Variants in TMEM178A observed in about 807,000 individuals in gnomAD.
TMEM178A encodes transmembrane protein 178.
A neutral mutation model predicts 29.1 loss-of-function variants in TMEM178A; 12 were observed. The ratio of observed to expected loss-of-function variants is 0.41; its 90% CI spans 0.26 to 0.67. TMEM178A has a LOEUF of 0.67. TMEM178A is among the 30% of genes least tolerant of loss of function. The pLI is 0.29. For synonymous variants in TMEM178A, 210 were observed against 187.2 expected (o/e 1.12, Z -0.99); for missense variants, 366 against 419.1 (o/e 0.87, Z 1.11).
chr2:39,668,940 G>A (rs868064021), intron 1 of TMEM178A, among the ~76,000 whole-genome samples: 1 of 152,140 alleles, frequency 6.6e-6, no homozygotes, highest in Non-Finnish European at 1.5e-5. Context: ...CTTTGTTTTG[G>A]CATCTGACAT....
intron 1 of TMEM178A, among the ~76,000 whole-genome samples, chr2:39,668,233 C>T (rs1308620453): frequency 6.6e-6 from 1 of 152,210 alleles, no homozygotes. Flanking sequence ...ACTGGTTGTT[C>T]AAATTCCCTT....
intron 1 of TMEM178A, among the ~76,000 whole-genome samples, chr2:39,701,253 C>T (rs72934288): frequency 0.023 from 3,533 of 152,126 alleles, 125 homozygotes; most frequent in African/African-American, 0.08. Context: ...TAGATTCTCT[C>T]AGTTTTTGTT....
chr2:39,687,935 G>T (rs186135616), intron 1 of TMEM178A, among the ~76,000 whole-genome samples: 3 of 152,192 alleles, frequency 2.0e-5, no homozygotes, highest in African/African-American at 7.2e-5. Context: ...TCACTTGTTA[G>T]CTGTGGGACT....
At chr2:39,698,698 AT>A (rs397955246) in intron 1 of TMEM178A, among the ~76,000 whole-genome samples, 6,536 of 146,124 alleles carry the variant, frequency 0.045, 433 homozygotes, top group African/African-American at 0.15. Context: ...TTCATGCTCT[AT>A]TTTTTTTTTT....
chr2:39,717,350 T>C lies in TMEM178A; in HGVS notation c.*99T>C, dbSNP rs1002534307. 36 of 1,476,422 alleles carry C rather than the reference T, an allele frequency of 2.4e-5. No homozygotes were observed. Among genetic ancestry groups the C allele is most frequent in the Non-Finnish European group, 2.9e-5 (32 of 1,107,260 alleles). 91.5% of individuals were successfully genotyped at this position (1,476,422 alleles called of 1,614,324 possible). A position where few individuals can be genotyped will look rare whatever the true frequency, so the allele number is the denominator to read the frequency against. On this transcript the variant is annotated 3_prime_UTR_variant, in exon 4 of 4. Transcript: ENST00000281961. ...CAAAGCGGTCTTTTACATTCCAACC[T>C]GTTGCCTGCCAGCCCTTTCTGGATT...
At chr2:39,667,025 T>C (rs978157189) in intron 1 of TMEM178A, among the ~76,000 whole-genome samples, 6 of 152,292 alleles carry the variant, frequency 3.9e-5, no homozygotes, top group African/African-American at 1.4e-4. Context: ...AGACCAATCG[T>C]TGGCTGGTGG....
chr2:39,685,524 A>G (rs530222755), intron 1 of TMEM178A, among the ~76,000 whole-genome samples: 2 of 152,116 alleles, frequency 1.3e-5, no homozygotes, highest in Admixed American at 1.3e-4. Flanking sequence ...GTTTTCATTC[A>G]TTTTATAGGT....
At chr2:39,721,307 C>A (rs1208596789), downstream of TMEM178A, among the ~76,000 whole-genome samples, 1 of 152,214 alleles carries the variant, frequency 6.6e-6, no homozygotes, top group Non-Finnish European at 1.5e-5. Context: ...GGCATCAAAG[C>A]AAGATTTCTA....
chr2:39,679,592 TC>T (rs572279844), intron 1 of TMEM178A, among the ~76,000 whole-genome samples: 76 of 152,254 alleles, frequency 5.0e-4, no homozygotes, highest in Non-Finnish European at 6.2e-4. Context: ...TTTACTTATC[TC>T]CATAGGAAGT....
chr2:39,700,631 G>C (rs1671740946), intron 1 of TMEM178A, among the ~76,000 whole-genome samples: 1 of 151,764 alleles, frequency 6.6e-6, no homozygotes, highest in Non-Finnish European at 1.5e-5. Context: ...GCCAATCTCT[G>C]CCTTTTTATT....
chr2:39,721,277 A>T (rs576566598), downstream of TMEM178A, among the ~76,000 whole-genome samples: 146 of 152,348 alleles, frequency 9.6e-4, no homozygotes, highest in Non-Finnish European at 1.6e-3. Context: ...TCCTCTTAAT[A>T]TGCAACCTGT....
intron 1 of TMEM178A, among the ~76,000 whole-genome samples, chr2:39,688,292 G>T (rs1324200334): frequency 6.6e-6 from 1 of 152,238 alleles, no homozygotes; most frequent in Non-Finnish European, 1.5e-5. Context: ...AGCAATTCTG[G>T]TGGTCTCAAA....
At chr2:39,707,337 C>G (rs1188479378) in intron 3 of TMEM178A, 151 bp downstream of exon 3, 2 of 1,021,062 alleles carry the variant, frequency 2.0e-6, no homozygotes, top group African/African-American at 3.3e-5. Flanking sequence ...CTGGAAAATA[C>G]AGAATTTAAG....
chr2:39,711,939 C>G (rs1156272027), intron 3 of TMEM178A, among the ~76,000 whole-genome samples: 1 of 151,922 alleles, frequency 6.6e-6, no homozygotes, highest in Non-Finnish European at 1.5e-5. Flanking sequence ...TCAATAAGTA[C>G]TAGAATAGCC....
At chr2:39,691,119 G>A (rs1258097162) in intron 1 of TMEM178A, among the ~76,000 whole-genome samples, 1 of 152,178 alleles carries the variant, frequency 6.6e-6, no homozygotes, top group Non-Finnish European at 1.5e-5. Flanking sequence ...TCCAGAAGGA[G>A]CAAAGAAAGA....
At chr2:39,674,530 G>T (rs1572648320) in intron 1 of TMEM178A, among the ~76,000 whole-genome samples, 1 of 152,164 alleles carries the variant, frequency 6.6e-6, no homozygotes, top group East Asian at 1.9e-4. Context: ...GCGGGAGTGG[G>T]GCGAGGGATA....
chr2:39,722,769 G>A (rs570190426), downstream of TMEM178A, among the ~76,000 whole-genome samples: 11 of 152,300 alleles, frequency 7.2e-5, no homozygotes, highest in South Asian at 2.1e-4. Context: ...ACATCTTAGG[G>A]CTGATGTTCC....
chr2:39,686,907 G>A (rs544136235), intron 1 of TMEM178A, among the ~76,000 whole-genome samples: 1 of 151,932 alleles, frequency 6.6e-6, no homozygotes, highest in South Asian at 2.1e-4. Context: ...GGCTGGAAAT[G>A]TTTTGGGGGC....
At chr2:39,676,029 TCCCA>T (rs1670609177) in intron 1 of TMEM178A, among the ~76,000 whole-genome samples, 1 of 152,218 alleles carries the variant, frequency 6.6e-6, no homozygotes, top group Non-Finnish European at 1.5e-5. Flanking sequence ...CAAGCGATCC[TCCCA>T]CCTTGGCCTT....
Sources: gnomAD v4.1 joint callset for allele counts (sites outside exome capture counted in the v4.1 genomes callset) on GRCh38, gnomAD v4.1.1 for gene constraint, MANE v1.5 for transcripts, NCBI Gene and HGNC (gene_info 2026-07-23, HGNC 2026-07-21) for gene names.